The following CYP2C19 variants were observed in gnomAD, a reference collection of about 807,000 sequenced individuals.
The protein encoded by CYP2C19 is cytochrome P450 family 2 subfamily C member 19.
Under a neutral mutation model 40.9 loss-of-function variants are expected in CYP2C19, and 59 were observed. The observed-to-expected ratio is 1.44, with a 90% CI of 1.17 to 1.79. The LOEUF is 1.79. Among genes scored for constraint, CYP2C19 ranks in the 40% most tolerant of loss-of-function variants. The pLI is 0.00. For synonymous variants in CYP2C19, 253 were observed against 208.7 expected (o/e 1.21, Z -1.83); for missense variants, 754 against 596.9 (o/e 1.26, Z -2.74).
At chr10:94,803,605 C>A (rs1460385907) in intron 5 of CYP2C19, among the ~76,000 whole-genome samples, 1 of 152,184 alleles carries the variant, frequency 6.6e-6, no homozygotes, top group East Asian at 1.9e-4. Context: ...CAGGCACTAG[C>A]ACCAGCACTG....
intron 7 of CYP2C19, among the ~76,000 whole-genome samples, chr10:94,845,355 T>C (rs957917915): frequency 6.6e-6 from 1 of 152,220 alleles, no homozygotes; most frequent in Non-Finnish European, 1.5e-5. Context: ...TAAATTTTTG[T>C]TTCAAAAATA....
At chr10:94,846,915 A>G (rs1849580626) in intron 7 of CYP2C19, among the ~76,000 whole-genome samples, 1 of 152,070 alleles carries the variant, frequency 6.6e-6, no homozygotes, top group Non-Finnish European at 1.5e-5. Context: ...CATGGCAATG[A>G]CAAACATTCA....
At chr10:94,777,376 G>A (rs553080699) in intron 3 of CYP2C19, among the ~76,000 whole-genome samples, 2 of 152,238 alleles carry the variant, frequency 1.3e-5, no homozygotes, top group East Asian at 3.9e-4. Context: ...AAAGCTGGAG[G>A]CATCATGCTA....
chr10:94,778,527 A>C (rs191904831), intron 3 of CYP2C19, among the ~76,000 whole-genome samples: 1 of 152,348 alleles, frequency 6.6e-6, no homozygotes, highest in Non-Finnish European at 1.5e-5. Flanking sequence ...AAAGCTCATC[A>C]CTGGTCATTA....
chr10:94,829,144 G>A (rs1849284462), intron 6 of CYP2C19, among the ~76,000 whole-genome samples: 1 of 152,074 alleles, frequency 6.6e-6, no homozygotes, highest in African/African-American at 2.4e-5. Flanking sequence ...TATGTGTCTT[G>A]GAGTTGCTCT....
intron 5 of CYP2C19, among the ~76,000 whole-genome samples, chr10:94,818,370 C>T (rs948511473): frequency 3.6e-4 from 54 of 151,922 alleles, no homozygotes; most frequent in Middle Eastern, 3.4e-3. Context: ...CTTGATGATG[C>T]GGGCTCTTTT....
intron 5 of CYP2C19, among the ~76,000 whole-genome samples, chr10:94,815,597 T>C (rs377420259): frequency 7.9e-5 from 12 of 152,364 alleles, no homozygotes; most frequent in African/African-American, 2.9e-4. Context: ...CTCTCTCTTT[T>C]ATTCCCTGTG....
In CYP2C19 at chr10:94,763,574, A is replaced by G. The variant is rs1848201883; in HGVS notation, c.168+701A>G. ...TCATTGTGTAGTTATTAGCATATAC[A>G]GAGAGTAAAGGGCTGCGATTAGTAT... On this transcript the variant is annotated intron_variant, in intron 1 of 8. Coordinates refer to ENST00000371321, the MANE Select transcript of CYP2C19 (RefSeq NM_000769.4). Among the ~76,000 whole-genome samples the G allele has an allele frequency of 3.3e-5, 5 of 152,254 alleles. No homozygotes were observed. In the South Asian group the frequency reaches 1.0e-3, roughly 32 times the overall value.
In CYP2C19 at chr10:94,854,651, G is replaced by T. The variant is rs1003242990; in HGVS notation, c.*1737G>T. ...TACATGTACATCTATGCATGTGTGT[G>T]TACATTATGTGCATTCACACATAAT... On this transcript the variant is annotated 3_prime_UTR_variant, in exon 9 of 9. Coordinates refer to ENST00000371321, the MANE Select transcript of CYP2C19 (RefSeq NM_000769.4). 6.6e-6 allele frequency among the ~76,000 whole-genome samples: 1 copy of T among 151,964 alleles called. No homozygotes were observed. Among genetic ancestry groups the T allele is most frequent in the African/African-American group, 2.4e-5 (1 of 41,358 alleles).
Position 94,827,052 on chromosome 10 carries a change from G to T in CYP2C19, c.961+6415G>T, listed in dbSNP as rs1240293465. Among the ~76,000 whole-genome samples the T allele has an allele frequency of 6.6e-5, 10 of 152,172 alleles. No homozygotes were observed. In the East Asian group the frequency reaches 1.7e-3, roughly 26 times the overall value. On this transcript the variant is annotated intron_variant, in intron 6 of 8. Transcript: ENST00000371321. ...GGATAAGCTTTTTGATGTGCTGCTGGATTCGGTTTGCCAGTATTTTATTGA... is the reference window on the plus strand; with the variant it reads ...GGATAAGCTTTTTGATGTGCTGCTGTATTCGGTTTGCCAGTATTTTATTGA...
chr10:94,837,694 G>T (rs1380420189), intron 6 of CYP2C19, among the ~76,000 whole-genome samples: 2 of 152,134 alleles, frequency 1.3e-5, no homozygotes, highest in African/African-American at 2.4e-5. Flanking sequence ...GACTGAGAAG[G>T]TTGCACCAGT....
At chr10:94,848,412 G>T (rs1157941060) in intron 7 of CYP2C19, among the ~76,000 whole-genome samples, 2 of 152,040 alleles carry the variant, frequency 1.3e-5, no homozygotes, top group African/African-American at 2.4e-5. Flanking sequence ...ATTTCTGTTG[G>T]CTCTGTTCTG....
At chr10:94,794,012 T>G (rs1300554621) in intron 5 of CYP2C19, among the ~76,000 whole-genome samples, 1 of 152,126 alleles carries the variant, frequency 6.6e-6, no homozygotes, top group African/African-American at 2.4e-5. Context: ...CTCCACCCAG[T>G]TCGAGCTTCC....
At chr10:94,802,575 C>T (rs946538851) in intron 5 of CYP2C19, among the ~76,000 whole-genome samples, 2 of 152,030 alleles carry the variant, frequency 1.3e-5, no homozygotes, top group Non-Finnish European at 2.9e-5. Flanking sequence ...GGTATTTAGC[C>T]CACTTACATT....
intron 1 of CYP2C19, chr10:94,774,745 G>T: frequency 3.2e-6 from 1 of 309,904 alleles, no homozygotes; most frequent in Non-Finnish European, 6.0e-6. Flanking sequence ...GTGGGACACT[G>T]AAAATGAATT....
At chr10:94,780,745 A>AAT in intron 4 of CYP2C19, 86 bp downstream of exon 4, 2 of 1,480,518 alleles carry the variant, frequency 1.4e-6, no homozygotes, top group Middle Eastern at 1.8e-4. Context: ...CCAAGCCCTG[A>AAT]AGTACATTTT....
At chr10:94,774,827 G>A (rs7916649) in intron 1 of CYP2C19, 246,912 of 537,854 alleles carry the variant, frequency 0.46, 59,258 homozygotes, top group African/African-American at 0.64. Flanking sequence ...TGGTGTGAGG[G>A]TTAATTGTAA....
At position 94,844,239 on chromosome 10, in the gene CYP2C19, G is replaced by A. The variant is rs143587649; in HGVS notation, c.1149+1215G>A. Among the ~76,000 whole-genome samples, 74 of 152,284 alleles carry A rather than the reference G, an allele frequency of 4.9e-4. No individual in the cohort carries two copies. In the East Asian group the frequency reaches 0.014, roughly 28 times the overall value. ...AATAACTTTTGGTTAAATACCAGAT[G>A]TTATGTGTAAGAAAGTGCAGAATTT... On this transcript the variant is annotated intron_variant, in intron 7 of 8. Transcript: ENST00000371321.
At position 94,842,865 on chromosome 10, in the gene CYP2C19, C is replaced by G. The variant is rs3758580; in HGVS notation, c.990C>G (p.Val330=). The change falls in exon 7 of 9, where the codon GTC becomes GTG. Residue 330 remains valine (V), a synonymous_variant. Transcript: ENST00000371321. The part of the protein sequence containing the change: ...TAKVQEEIER[V]IGRNRSPCMQ... ...AAGTCCAGGAAGAGATTGAACGTGT[C>G]ATTGGCAGAAACCGGAGCCCCTGCA... 6.2e-7 allele frequency: 1 copy of G among 1,613,992 alleles called. No individual in the cohort carries two copies.
Sources: gnomAD v4.1 joint callset for allele counts (sites outside exome capture counted in the v4.1 genomes callset) on GRCh38, gnomAD v4.1.1 for gene constraint, MANE v1.5 for transcripts, NCBI Gene and HGNC (gene_info 2026-07-23, HGNC 2026-07-21) for gene names.